Variants in GBF1 observed in about 807,000 individuals in gnomAD.
GBF1 encodes the protein Golgi-specific brefeldin A-resistance guanine nucleotide exchange factor 1.
GBF1 carries 114 observed loss-of-function variants against 210.5 expected under a neutral mutation model. The observed-to-expected ratio is 0.54, with a 90% confidence interval of 0.47 to 0.63. GBF1 has a LOEUF of 0.63. Ranked by LOEUF, GBF1 falls within the 30% of genes least tolerant of loss-of-function variation. The pLI is 0.00. For missense variants in GBF1, 1,851 were observed against 2,357.7 expected, an observed-to-expected ratio of 0.79 and a Z score of 4.45; for synonymous variants, 850 against 889.2, an observed-to-expected ratio of 0.96 and a Z score of 0.78.
chr10:102,332,367 G>T (rs1005389053), intron 3 of GBF1, among the ~76,000 whole-genome samples: 5 of 150,288 alleles, frequency 3.3e-5, no homozygotes, highest in Admixed American at 2.7e-4. Context: ...CACAGACACA[G>T]AGGGTCAACT....
At chr10:102,367,235 A>G in intron 20 of GBF1, 25 bp downstream of exon 20, 1 of 1,611,984 alleles carries the variant, frequency 6.2e-7, no homozygotes, top group Non-Finnish European at 8.5e-7. Flanking sequence ...CAGTCAAGGC[A>G]AAGAAGACCC....
At chr10:102,322,841 C>A (rs181842724) in intron 3 of GBF1, among the ~76,000 whole-genome samples, 1 of 151,820 alleles carries the variant, frequency 6.6e-6, no homozygotes, top group East Asian at 1.9e-4. Context: ...CGCTTGAACC[C>A]AGGAAGCAGA....
At chr10:102,370,027 C>T (rs1414020805) in intron 26 of GBF1, 43 bp downstream of exon 26, 2 of 1,607,494 alleles carry the variant, frequency 1.2e-6, no homozygotes, top group South Asian at 2.2e-5. Context: ...TAAACACCTT[C>T]CTATTAGATG....
the GBF1 span, among the ~76,000 whole-genome samples, chr10:102,235,166 T>TCCCCCTCCC: frequency 1.7e-5 from 1 of 59,028 alleles, no homozygotes. Flanking sequence ...TTATTACCCT[T>TCCCCCTCCC]CCCCCACCCC....
At chr10:102,252,528 G>A (rs61874852) in intron 1 of GBF1, among the ~76,000 whole-genome samples, 11,855 of 152,078 alleles carry the variant, frequency 0.078, 531 homozygotes, top group African/African-American at 0.12. Flanking sequence ...AAGGCAAAGA[G>A]GCAGCAAAGA....
chr10:102,359,820 G>A (rs1479030262), intron 11 of GBF1, among the ~76,000 whole-genome samples: 2 of 147,176 alleles, frequency 1.4e-5, no homozygotes, highest in African/African-American at 5.0e-5. Context: ...GATTGCTGCA[G>A]TGGCACAATC....
rs1489162852 is a variant in GBF1, at chr10:102,380,631, T to C, written c.5118T>C (p.Ile1706=). ...TCTGGGAGATCACCTGGGAACGCAT[T>C]GACTGTTTTCTCCCTCACCTACGAG... ...SALWEITWER[I]DCFLPHLRDE... The change falls in exon 38 of 40, where the codon ATT becomes ATC. Residue 1706 remains isoleucine (I), a synonymous_variant. Coordinates refer to ENST00000369983, the MANE Select transcript of GBF1 (RefSeq NM_001377137.1). The C allele has an allele frequency of 1.2e-6, 2 of 1,614,034 alleles. No homozygotes were observed. The highest frequency in any genetic ancestry group is 8.5e-7 in the Non-Finnish European group (1 of 1,179,956).
At position 102,370,527 on chromosome 10, in the gene GBF1, A is replaced by C. The variant is rs766492173; in HGVS notation, c.3506+49A>C. 11 of 1,462,002 alleles carry C rather than the reference A, an allele frequency of 7.5e-6. No individual in the cohort carries two copies. The Admixed American group carries it at 1.8e-4, about 24-fold the overall frequency. The allele number at this position is 1,462,002 out of a possible 1,614,324, so 90.6% of individuals were successfully genotyped here. A position where few individuals can be genotyped will look rare whatever the true frequency, so the allele number is the denominator to read the frequency against. On this transcript the variant is annotated intron_variant, in intron 28 of 39. Coordinates refer to ENST00000369983, the MANE Select transcript of GBF1 (RefSeq NM_001377137.1). ...CAGACCCCATGCTGGGCTTGTGCCA[A>C]AGGGATGGAAGCCATCTTGCTGAGT...
chr10:102,330,526 A>G (rs2057260389), intron 3 of GBF1, among the ~76,000 whole-genome samples: 2 of 152,076 alleles, frequency 1.3e-5, no homozygotes, highest in Admixed American at 6.6e-5. Flanking sequence ...TCTACTAAAA[A>G]TACAAAAATT....
chr10:102,265,580 T>C (rs943145944), intron 3 of GBF1, among the ~76,000 whole-genome samples: 2 of 151,964 alleles, frequency 1.3e-5, no homozygotes, highest in African/African-American at 4.8e-5. Context: ...TCCAGCTACT[T>C]AGGCTGAGGC....
In GBF1 at chr10:102,363,900, T is replaced by A. The variant is rs1366041041; in HGVS notation, c.2106+102T>A. 5.6e-6 allele frequency: 4 copies of A among 714,986 alleles called. No homozygotes were observed. In the African/African-American group the frequency reaches 7.1e-5, roughly 13 times the overall value. 44.3% of individuals were successfully genotyped at this position (714,986 alleles called of 1,614,324 possible). A position where few individuals can be genotyped will look rare whatever the true frequency, so the allele number is the denominator to read the frequency against. On this transcript the variant is annotated intron_variant, in intron 17 of 39. Transcript: ENST00000369983. The surrounding 1 kb of genome is among the most constrained non-coding windows in gnomAD (Gnocchi z 4.2). ...TGAAGGAGAGTCTAGCACCTCATTG[T>A]ACAGCTTCCTGAGGCCAGTCTTTGG...
At chr10:102,380,222 C>T (rs1487524709) in intron 36 of GBF1, 27 bp from the exon 37 acceptor site, 2 of 1,488,416 alleles carry the variant, frequency 1.3e-6, no homozygotes, top group East Asian at 2.3e-5. Context: ...ACAGTCCCCT[C>T]AGCTGAAGGG....
Position 102,251,075 on chromosome 10 carries a change from G to A in GBF1, c.-11+5294G>A, listed in dbSNP as rs868838486. Among the ~76,000 whole-genome samples the A allele has an allele frequency of 9.3e-5, 14 of 150,874 alleles. No homozygotes were observed. In the East Asian group the frequency reaches 2.7e-3, roughly 29 times the overall value. On this transcript the variant is annotated intron_variant, in intron 1 of 39. Coordinates refer to ENST00000369983, the MANE Select transcript of GBF1 (RefSeq NM_001377137.1). ...GCTATTTAGAGCCAAAGAAAATAAG[G>A]CATATATGAAGAATTGACAGTTACA... is the stretch of plus-strand genomic sequence containing the variant.
chr10:102,312,280 C>T (rs934401035), intron 3 of GBF1, among the ~76,000 whole-genome samples: 4 of 148,296 alleles, frequency 2.7e-5, no homozygotes, highest in Non-Finnish European at 4.5e-5. Context: ...GCAACAAGAG[C>T]GTAACTCTGT....
intron 3 of GBF1, among the ~76,000 whole-genome samples, chr10:102,267,201 T>C (rs1425262230): frequency 6.6e-6 from 1 of 152,132 alleles, no homozygotes; most frequent in Admixed American, 6.5e-5. Context: ...AGGAAAAAGA[T>C]TGAATAAGAG....
chr10:102,240,368 C>T, the GBF1 span, among the ~76,000 whole-genome samples: 270 of 152,370 alleles, frequency 1.8e-3, no homozygotes, highest in Non-Finnish European at 3.3e-3. Flanking sequence ...TTGAAGGGGG[C>T]ATGTGTCCCA....
intron 1 of GBF1, among the ~76,000 whole-genome samples, chr10:102,251,037 T>C (rs2133904805): frequency 6.7e-6 from 1 of 150,058 alleles, no homozygotes; most frequent in Middle Eastern, 3.5e-3. Flanking sequence ...TAAACACTAG[T>C]GTACTAAAAA....
chr10:102,368,184 C>T (rs540119434), intron 21 of GBF1, 34 bp from the exon 22 acceptor site: 1 of 1,384,566 alleles, frequency 7.2e-7, no homozygotes, highest in South Asian at 1.2e-5. Context: ...AGGTTCAAAG[C>T]AGTGCAACTG....
At chr10:102,381,280 T>A (rs767206374) in intron 39 of GBF1, 25 bp downstream of exon 39, 1 of 1,612,058 alleles carries the variant, frequency 6.2e-7, no homozygotes, top group Non-Finnish European at 8.5e-7. Flanking sequence ...CCTAGCCTGA[T>A]AGGCACTGAG....
Sources: gnomAD v4.1 joint callset for allele counts (sites outside exome capture counted in the v4.1 genomes callset) on GRCh38, gnomAD v4.1.1 for gene constraint, Gnocchi (gnomAD v3.1) non-coding constraint, MANE v1.5 for transcripts, NCBI Gene and HGNC (gene_info 2026-07-23, HGNC 2026-07-21) for gene names.